BLTP1: variants seen among roughly 807,000 people sequenced by gnomAD.
BLTP1 encodes fragile site-associated protein.
the BLTP1 span, among the ~76,000 whole-genome samples, chr4:122,270,620 T>C: frequency 6.8e-6 from 1 of 147,694 alleles, no homozygotes; most frequent in East Asian, 2.0e-4. Flanking sequence ...ATGTTAAATA[T>C]GAATATATTA....
the BLTP1 span, chr4:122,190,007 A>C: frequency 6.2e-7 from 1 of 1,612,676 alleles, no homozygotes; most frequent in Non-Finnish European, 8.5e-7. Context: ...TAGACCACCG[A>C]GATTAATGGG....
At chr4:122,241,641 A>G in the BLTP1 span, among the ~76,000 whole-genome samples, 4 of 152,178 alleles carry the variant, frequency 2.6e-5, no homozygotes, top group Admixed American at 2.6e-4. Context: ...ATATGTATTG[A>G]AGGAAGAAGA....
the BLTP1 span, among the ~76,000 whole-genome samples, chr4:122,194,066 T>G: frequency 1.3e-5 from 2 of 151,976 alleles, no homozygotes; most frequent in South Asian, 2.1e-4. Context: ...GTTTCACCGT[T>G]TTAGCCGGGA....
chr4:122,187,840 A>G, the BLTP1 span: 2 of 1,505,080 alleles, frequency 1.3e-6, no homozygotes, highest in South Asian at 2.6e-5. Flanking sequence ...AGAAAGAAAT[A>G]TGGCCAGAAT....
At chr4:122,226,457 T>A in the BLTP1 span, 1 of 1,239,782 alleles carries the variant, frequency 8.1e-7, no homozygotes, top group Non-Finnish European at 1.0e-6. Context: ...TGAAGTGAAA[T>A]TTTTCAGTTG....
chr4:122,355,887 T>G, the BLTP1 span: 1 of 1,612,620 alleles, frequency 6.2e-7, no homozygotes, highest in Non-Finnish European at 8.5e-7. Flanking sequence ...TCAGAGGAGG[T>G]TCTAGCTACA....
chr4:122,233,271 A>G, the BLTP1 span, among the ~76,000 whole-genome samples: 1 of 152,192 alleles, frequency 6.6e-6, no homozygotes, highest in Non-Finnish European at 1.5e-5. Flanking sequence ...TGTAGTCCAC[A>G]TTTTGCATCT....
At chr4:122,210,253 G>C in the BLTP1 span, 1 of 157,388 alleles carries the variant, frequency 6.4e-6, no homozygotes, top group Non-Finnish European at 1.4e-5. Context: ...TGCCAAGCTA[G>C]AAGCAGCAGA....
chr4:122,288,088 A>C, the BLTP1 span, among the ~76,000 whole-genome samples: 9 of 152,270 alleles, frequency 5.9e-5, 1 homozygote, highest in South Asian at 1.9e-3. Flanking sequence ...AGAGTTGCCT[A>C]TTTTACTATG....
chr4:122,263,740 A>G, the BLTP1 span: 1 of 557,078 alleles, frequency 1.8e-6, no homozygotes, highest in Non-Finnish European at 3.1e-6. Context: ...AATGCCTTTG[A>G]TAATATTGTA....
chr4:122,250,194 C>T, the BLTP1 span: 1 of 354,362 alleles, frequency 2.8e-6, no homozygotes, highest in Non-Finnish European at 3.9e-6. Flanking sequence ...GTTGTATATG[C>T]CTACAATTAT....
At chr4:122,216,724 T>G in the BLTP1 span, among the ~76,000 whole-genome samples, 1 of 152,240 alleles carries the variant, frequency 6.6e-6, no homozygotes, top group African/African-American at 2.4e-5. Context: ...GTCTGTTTAT[T>G]CTGCTGATTA....
the BLTP1 span, chr4:122,266,810 A>G: frequency 3.1e-6 from 5 of 1,608,494 alleles, no homozygotes; most frequent in South Asian, 4.4e-5. Context: ...TCTGAGTCAT[A>G]CAGGGATCCA....
At chr4:122,208,047 C>A in the BLTP1 span, 38 of 985,044 alleles carry the variant, frequency 3.9e-5, no homozygotes, top group African/African-American at 5.2e-5. Context: ...CTCTTATGTA[C>A]TTCTAAGCTC....
the BLTP1 span, chr4:122,189,745 T>A: frequency 1.2e-5 from 11 of 883,262 alleles, no homozygotes; most frequent in Non-Finnish European, 1.5e-5. Flanking sequence ...TTTTTTTTCT[T>A]CTTGAAGTAA....
chr4:122,300,616 C>T, the BLTP1 span, among the ~76,000 whole-genome samples: 1 of 152,050 alleles, frequency 6.6e-6, no homozygotes, highest in African/African-American at 2.4e-5. Context: ...ATTTCAAAAG[C>T]CCAAAAAAGA....
the BLTP1 span, chr4:122,249,372 A>G: frequency 6.9e-6 from 10 of 1,454,336 alleles, no homozygotes; most frequent in Non-Finnish European, 9.1e-6. Context: ...TTTTTGACAG[A>G]GCACTAAGAT....
At chr4:122,249,361 CT>C in the BLTP1 span, 1 of 1,426,136 alleles carries the variant, frequency 7.0e-7, no homozygotes, top group Non-Finnish European at 9.3e-7. Context: ...GTTTTTCTAT[CT>C]TTTTGACAGA....
chr4:122,234,832 G>A, the BLTP1 span: 7 of 1,612,906 alleles, frequency 4.3e-6, no homozygotes, highest in Non-Finnish European at 5.9e-6. Context: ...AACAAATGTG[G>A]TTGTCTCGGT....
Sources: gnomAD v4.1 joint callset for allele counts (sites outside exome capture counted in the v4.1 genomes callset) on GRCh38, gnomAD v4.1.1 for gene constraint, MANE v1.5 for transcripts, NCBI Gene and HGNC (gene_info 2026-07-23, HGNC 2026-07-21) for gene names.